Variants in STT3A observed in about 807,000 individuals in gnomAD.
STT3A encodes the protein STT3 oligosaccharyltransferase complex catalytic subunit A, also known as dolichyl-diphosphooligosaccharide--protein glycosyltransferase subunit STT3A.
A neutral mutation model predicts 89.2 loss-of-function variants in STT3A; 34 were observed. The observed-to-expected ratio is 0.38, with a 90% CI of 0.29 to 0.51. The LOEUF (loss-of-function observed/expected upper bound fraction) is 0.51. Among genes scored for constraint, STT3A ranks in the 20% least tolerant of loss-of-function variants. The pLI is 0.89. For synonymous variants in STT3A, 282 were observed against 310.3 expected, an observed-to-expected ratio of 0.91 and a Z score of 0.96; for missense variants, 555 against 889.5, an observed-to-expected ratio of 0.62 and a Z score of 4.78.
chr11:125,610,823 C>G (rs1003019813), intron 10 of STT3A: 2 of 152,406 alleles, frequency 1.3e-5, no homozygotes, highest in African/African-American at 4.8e-5. Context: ...TTAGTCCCAG[C>G]TACTTGGAAG....
chr11:125,614,192 C>T lies in STT3A; in HGVS notation c.1660C>T (p.Arg554Ter), dbSNP rs1405078807. The T allele has an allele frequency of 1.1e-5, 17 of 1,613,966 alleles. No homozygotes were observed. Among genetic ancestry groups the T allele is most frequent in the Non-Finnish European group, 1.4e-5 (17 of 1,179,968 alleles). Residue 554 changes from arginine (R) to a stop codon, truncating the protein, a stop_gained, in exon 14 of 18, where the codon CGA (arginine) becomes TGA (stop). Transcript: ENST00000392708. LOFTEE classifies it high-confidence loss of function. The surrounding 1 kb of genome is among the most constrained non-coding windows in gnomAD (Gnocchi z 4.9). ...NNTWNNTHIS[R>*]VGQAMASTEE... Reference sequence around the variant, plus strand: ...CACATGGAATAATACCCATATTTCTCGAGTAGGGCAGGTAAGATAAAGGGA... The same window carrying T: ...CACATGGAATAATACCCATATTTCTTGAGTAGGGCAGGTAAGATAAAGGGA...
At chr11:125,619,037 GTTAT>G (rs1940265053) in intron 16 of STT3A, among the ~76,000 whole-genome samples, 1 of 151,232 alleles carries the variant, frequency 6.6e-6, no homozygotes, top group Admixed American at 6.6e-5. Context: ...CCTAGCTATT[GTTAT>G]TTTTGTTTTG....
At chr11:125,592,499 G>A, upstream of STT3A, 1 of 455,570 alleles carries the variant, frequency 2.2e-6, no homozygotes, top group Non-Finnish European at 4.4e-6. Flanking sequence ...CGTAGTTTCC[G>A]CTTCTTGTCA....
chr11:125,611,638 A>C (rs1940019473), intron 11 of STT3A, 119 bp downstream of exon 11: 3 of 912,788 alleles, frequency 3.3e-6, no homozygotes, highest in Non-Finnish European at 5.0e-6. Flanking sequence ...TGAGCATTTG[A>C]GGGAATGAGT....
chr11:125,605,483 G>T (rs1359433880), intron 6 of STT3A, 146 bp from the exon 7 acceptor site: 4 of 542,602 alleles, frequency 7.4e-6, no homozygotes, highest in Non-Finnish European at 1.3e-5. Flanking sequence ...CTTCTTACAT[G>T]AAACTGAAAC....
chr11:125,613,908 A>G lies in STT3A; in HGVS notation c.1555-179A>G, dbSNP rs1940095184. On this transcript the variant is annotated intron_variant, in intron 13 of 17. Transcript: ENST00000392708. This position sits in a 1 kb window ranked among gnomAD's most constrained non-coding sequence, Gnocchi z 4.2. The stretch of plus-strand genomic sequence containing the variant: ...ATTTGTGCTGAGATTTTATAATTGT[A>G]TATAAATGGAAGACCAGGTGCCAGG... The G allele has an allele frequency of 3.4e-6, 2 of 588,622 alleles. No homozygotes were observed. The highest frequency in any genetic ancestry group is 5.7e-5 in the East Asian group (2 of 34,892). The allele number at this position is 588,622 out of a possible 1,614,324, so 36.5% of individuals were successfully genotyped here.
intron 10 of STT3A, chr11:125,610,742 C>G (rs1647557636): frequency 8.8e-6 from 1 of 113,796 alleles, no homozygotes; most frequent in Non-Finnish European, 2.0e-5. Context: ...CCACACACAC[C>G]CATACCCACA....
intron 6 of STT3A, among the ~76,000 whole-genome samples, 199 bp from the exon 7 acceptor site, chr11:125,605,430 T>C (rs974017978): frequency 7.2e-5 from 11 of 152,252 alleles, no homozygotes; most frequent in Non-Finnish European, 2.9e-5. Context: ...GCATTAATTA[T>C]ATTTGTTTTC....
intron 12 of STT3A, 102 bp from the exon 13 acceptor site, chr11:125,612,887 A>T: frequency 6.6e-7 from 1 of 1,519,186 alleles, no homozygotes. Context: ...CCTCTGACTT[A>T]TTTTGATCAA....
At chr11:125,605,539 G>A (rs1022586297) in intron 6 of STT3A, 90 bp from the exon 7 acceptor site, 9 of 864,178 alleles carry the variant, frequency 1.0e-5, no homozygotes, top group Admixed American at 2.4e-5. Context: ...TTACTTGGTA[G>A]TAGATCCAGG....
Position 125,609,588 on chromosome 11 carries a change from A to G in STT3A, c.1116A>G (p.Pro372=), listed in dbSNP as rs748152633. Residue 372 remains proline (P), a splice_region_variant and synonymous_variant, in exon 10 of 18, where the codon CCA becomes CCG. Coordinates refer to ENST00000392708, the MANE Select transcript of STT3A (RefSeq NM_152713.5). ...TGCAGCTCCTCGTCTTCATGTTTCCAGGTATGTGGCCTCGTGTTCTGAAAT... is the reference window on the plus strand; with the variant it reads ...TGCAGCTCCTCGTCTTCATGTTTCCGGGTATGTGGCCTCGTGTTCTGAAAT... ...FDLQLLVFMF[P]VGLYYCFSNL... 6.2e-7 allele frequency: 1 copy of G among 1,609,682 alleles called. No individual in the cohort carries two copies.
At chr11:125,603,976 C>T (rs1939762867) in intron 5 of STT3A, among the ~76,000 whole-genome samples, 181 bp from the exon 6 acceptor site, 1 of 152,206 alleles carries the variant, frequency 6.6e-6, no homozygotes, top group Non-Finnish European at 1.5e-5. Context: ...GGGAATTGGT[C>T]ATGAAGTTTT....
chr11:125,618,347 C>T, intron 15 of STT3A, 26 bp from the exon 16 acceptor site: 2 of 1,546,770 alleles, frequency 1.3e-6, no homozygotes, highest in Non-Finnish European at 1.7e-6. Flanking sequence ...TGTGATGCAG[C>T]AGTTCTTTTT....
At chr11:125,618,680 A>T (rs1940250625) in intron 16 of STT3A, 119 bp downstream of exon 16, 1 of 967,100 alleles carries the variant, frequency 1.0e-6, no homozygotes, top group East Asian at 2.7e-5. Context: ...TTTAATCCTC[A>T]CAGCAACCCC....
chr11:125,612,914 G>A (rs1233147028), intron 12 of STT3A, 75 bp from the exon 13 acceptor site: 1 of 1,550,696 alleles, frequency 6.4e-7, no homozygotes, highest in Non-Finnish European at 8.8e-7. Context: ...CTATATGAAT[G>A]TGTCTAAGAA....
At chr11:125,610,526 C>T (rs1012032136) in intron 10 of STT3A, among the ~76,000 whole-genome samples, 7 of 150,632 alleles carry the variant, frequency 4.6e-5, no homozygotes, top group Admixed American at 3.3e-4. Flanking sequence ...TGAGATCAAC[C>T]TGGGCAACAC....
chr11:125,596,816 T>C (rs902519742), intron 2 of STT3A, among the ~76,000 whole-genome samples: 5 of 152,332 alleles, frequency 3.3e-5, no homozygotes, highest in Middle Eastern at 3.4e-3. Flanking sequence ...TGTAATGTTA[T>C]AGGCTTTTAT....
chr11:125,594,305 G>C (rs1344001392), intron 1 of STT3A, among the ~76,000 whole-genome samples: 1 of 152,140 alleles, frequency 6.6e-6, no homozygotes, highest in African/African-American at 2.4e-5. Context: ...AGTAGGTCTG[G>C]GCGTGGTAGC....
intron 10 of STT3A, 140 bp from the exon 11 acceptor site, chr11:125,611,287 TG>T (rs1410874785): frequency 1.2e-5 from 8 of 664,096 alleles, no homozygotes; most frequent in African/African-American, 9.0e-5. Context: ...TTTCTATGAT[TG>T]TTTTTTTAGG....
Sources: allele counts gnomAD v4.1 joint callset (sites outside exome capture counted in the v4.1 genomes callset), GRCh38; gene constraint gnomAD v4.1.1; non-coding constraint Gnocchi (gnomAD v3.1); transcripts MANE v1.5; gene names NCBI Gene and HGNC (gene_info 2026-07-23, HGNC 2026-07-21).